C9: variants seen among roughly 807,000 people sequenced by gnomAD.
C9 encodes the protein complement component C9.
Under a neutral mutation model 65.4 loss-of-function variants are expected in C9, and 63 were observed. That is an observed-to-expected ratio of 0.96 (90% CI 0.79 to 1.19). The LOEUF (loss-of-function observed/expected upper bound fraction) is 1.19. Among genes scored for constraint, C9 ranks in the 50% most tolerant of loss-of-function variants. The pLI is 0.00. For synonymous variants in C9, 229 were observed against 227.9 expected (o/e 1.00, Z -0.04); for missense variants, 744 against 670.1 (o/e 1.11, Z -1.22).
chr5:39,313,096 C>A (rs1753514026), intron 6 of C9, among the ~76,000 whole-genome samples: 1 of 152,086 alleles, frequency 6.6e-6, no homozygotes, highest in African/African-American at 2.4e-5. Context: ...TCAAAGGTAG[C>A]TCTTAGCTCA....
At chr5:39,294,805 A>T (rs568177236) in intron 9 of C9, among the ~76,000 whole-genome samples, 1 of 151,962 alleles carries the variant, frequency 6.6e-6, no homozygotes, top group African/African-American at 2.4e-5. Flanking sequence ...ACATAGATGC[A>T]GAAGTCCTCT....
At chr5:39,306,408 A>G (rs113771990) in intron 9 of C9, among the ~76,000 whole-genome samples, 1,641 of 152,278 alleles carry the variant, frequency 0.011, 29 homozygotes, top group African/African-American at 0.038. Flanking sequence ...TCCCACACAT[A>G]GTGAGAGACA....
intron 9 of C9, among the ~76,000 whole-genome samples, chr5:39,290,220 A>G (rs1322091052): frequency 6.6e-6 from 1 of 151,904 alleles, no homozygotes; most frequent in Non-Finnish European, 1.5e-5. Context: ...CAGAAGATCT[A>G]TTGTGCAGCT....
intron 4 of C9, among the ~76,000 whole-genome samples, chr5:39,334,802 C>T (rs1373739628): frequency 6.6e-6 from 1 of 152,112 alleles, no homozygotes; most frequent in African/African-American, 2.4e-5. Flanking sequence ...CGGCCGCCAC[C>T]CCATCTGGGA....
chr5:39,312,762 G>A (rs1458078658), intron 6 of C9, among the ~76,000 whole-genome samples: 1 of 152,164 alleles, frequency 6.6e-6, no homozygotes, highest in East Asian at 1.9e-4. Flanking sequence ...TGATGATTAT[G>A]TGGGAGTTTA....
intron 1 of C9, among the ~76,000 whole-genome samples, chr5:39,346,023 G>A (rs1754187235): frequency 6.6e-6 from 1 of 152,220 alleles, no homozygotes; most frequent in African/African-American, 2.4e-5. Context: ...TCAAAGGAGT[G>A]TGTAGAGGGA....
intron 1 of C9, among the ~76,000 whole-genome samples, chr5:39,351,992 A>C (rs556940133): frequency 6.6e-6 from 1 of 152,210 alleles, no homozygotes; most frequent in African/African-American, 2.4e-5. Flanking sequence ...TAACTTCTAA[A>C]GAAAAAAGGT....
chr5:39,316,509 C>G (rs1024567718), intron 5 of C9, among the ~76,000 whole-genome samples: 9 of 152,096 alleles, frequency 5.9e-5, no homozygotes, highest in Admixed American at 1.3e-4. Context: ...TCACCCCTAC[C>G]CCCAACAGGC....
chr5:39,314,985 A>G (rs1056645335), intron 6 of C9, among the ~76,000 whole-genome samples: 1 of 152,222 alleles, frequency 6.6e-6, no homozygotes, highest in African/African-American at 2.4e-5. Context: ...TACCTAGGCC[A>G]GATAGGTCAC....
At chr5:39,352,253 A>G (rs1337039747) in intron 1 of C9, among the ~76,000 whole-genome samples, 1 of 152,176 alleles carries the variant, frequency 6.6e-6, no homozygotes, top group African/African-American at 2.4e-5. Flanking sequence ...CCTTCAACAC[A>G]TGGGAATTAC....
chr5:39,320,855 G>A (rs1303023363), intron 5 of C9, among the ~76,000 whole-genome samples: 1 of 152,118 alleles, frequency 6.6e-6, no homozygotes, highest in African/African-American at 2.4e-5. Context: ...TTGAATCCAG[G>A]AGAGAGTGAG....
At chr5:39,335,169 A>G (rs941344135) in intron 4 of C9, among the ~76,000 whole-genome samples, 5 of 152,188 alleles carry the variant, frequency 3.3e-5, no homozygotes, top group South Asian at 2.1e-4. Context: ...TGGCTACTTT[A>G]ACAGAGACAT....
intron 1 of C9, among the ~76,000 whole-genome samples, chr5:39,359,102 G>GTGTGTATATATATATATA (rs1407613505): frequency 0.036 from 3,714 of 103,376 alleles, 150 homozygotes; most frequent in Non-Finnish European, 0.046. Flanking sequence ...GTGTGTGTGT[G>GTGTGTATATATATATATA]TATATATATA....
chr5:39,345,688 A>G (rs958440847), intron 1 of C9, among the ~76,000 whole-genome samples: 17 of 152,260 alleles, frequency 1.1e-4, no homozygotes, highest in Non-Finnish European at 2.1e-4. Flanking sequence ...AGACATCTAC[A>G]GAACTTTCCA....
At chr5:39,305,515 T>G (rs1278365192) in intron 9 of C9, among the ~76,000 whole-genome samples, 2 of 152,066 alleles carry the variant, frequency 1.3e-5, no homozygotes, top group Non-Finnish European at 2.9e-5. Flanking sequence ...AAAATAAATG[T>G]GACCTGAGGA....
chr5:39,336,570 T>C (rs991637292), intron 4 of C9, among the ~76,000 whole-genome samples: 4 of 152,264 alleles, frequency 2.6e-5, no homozygotes, highest in Middle Eastern at 3.4e-3. Flanking sequence ...GCTATCTTAA[T>C]GAAATGAATG....
At chr5:39,320,514 A>G (rs1753647480) in intron 5 of C9, among the ~76,000 whole-genome samples, 1 of 152,160 alleles carries the variant, frequency 6.6e-6, no homozygotes, top group South Asian at 2.1e-4. Flanking sequence ...ATAGTGAAGA[A>G]GTCCTGTGGG....
intron 1 of C9, among the ~76,000 whole-genome samples, chr5:39,344,788 C>T (rs961705897): frequency 6.6e-6 from 1 of 152,126 alleles, no homozygotes; most frequent in East Asian, 1.9e-4. Flanking sequence ...TCAGCTTACC[C>T]ATAAAGGGAA....
At chr5:39,289,862 A>C (rs1753057646) in intron 9 of C9, among the ~76,000 whole-genome samples, 1 of 151,934 alleles carries the variant, frequency 6.6e-6, no homozygotes. Context: ...AGCAGGGAAA[A>C]AATTTCCTGA....
Sources: gnomAD v4.1 joint callset for allele counts (sites outside exome capture counted in the v4.1 genomes callset) on GRCh38, gnomAD v4.1.1 for gene constraint, MANE v1.5 for transcripts, NCBI Gene and HGNC (gene_info 2026-07-23, HGNC 2026-07-21) for gene names.